Variants in RASGRF2 observed in about 807,000 individuals in gnomAD.
RASGRF2 encodes Ras protein specific guanine nucleotide releasing factor 2.
RASGRF2 carries 76 observed loss-of-function variants against 151.0 expected under a neutral mutation model. The observed-to-expected ratio is 0.50, with a 90% CI of 0.42 to 0.61. The LOEUF is 0.61. Among genes scored for constraint, RASGRF2 ranks in the 20% least tolerant of loss-of-function variants. The pLI is 0.00. For missense variants in RASGRF2, 1,148 were observed against 1,564.6 expected, an observed-to-expected ratio of 0.73 and a Z score of 4.49; for synonymous variants, 504 against 566.5, an observed-to-expected ratio of 0.89 and a Z score of 1.57.
intron 17 of RASGRF2, among the ~76,000 whole-genome samples, chr5:81,170,027 C>T (rs1046465696): frequency 4.9e-4 from 74 of 151,222 alleles, no homozygotes; most frequent in Non-Finnish European, 9.4e-4. Context: ...ACCTGCACCA[C>T]CTGCATCACT....
intron 13 of RASGRF2, among the ~76,000 whole-genome samples, chr5:81,110,586 G>A (rs1483916478): frequency 6.6e-6 from 1 of 152,156 alleles, no homozygotes; most frequent in Non-Finnish European, 1.5e-5. Context: ...CAAATAGAAT[G>A]TGAAAATCAT....
intron 17 of RASGRF2, among the ~76,000 whole-genome samples, chr5:81,147,115 A>G (rs1172156906): frequency 1.3e-5 from 2 of 152,206 alleles, no homozygotes; most frequent in South Asian, 2.1e-4. Context: ...AATAATCAGT[A>G]TAATTATCAG....
intron 1 of RASGRF2, among the ~76,000 whole-genome samples, chr5:81,025,870 C>G (rs931669446): frequency 6.6e-6 from 1 of 152,078 alleles, no homozygotes; most frequent in African/African-American, 2.4e-5. Context: ...TTTCCCCCCA[C>G]CAAGCTAGTT....
chr5:81,189,978 C>T (rs567729519), intron 18 of RASGRF2, among the ~76,000 whole-genome samples: 22 of 152,190 alleles, frequency 1.4e-4, no homozygotes, highest in Non-Finnish European at 2.8e-4. Flanking sequence ...TTCCAAAGTG[C>T]TGGGATTACA....
At chr5:81,153,080 T>C (rs2112623429) in intron 17 of RASGRF2, among the ~76,000 whole-genome samples, 1 of 152,234 alleles carries the variant, frequency 6.6e-6, no homozygotes, top group East Asian at 1.9e-4. Flanking sequence ...AAATGGTACA[T>C]TATGAAATAT....
chr5:81,012,705 G>A (rs189478019), intron 1 of RASGRF2, among the ~76,000 whole-genome samples: 77 of 152,182 alleles, frequency 5.1e-4, no homozygotes, highest in Non-Finnish European at 9.9e-4. Context: ...CACCTCCATA[G>A]CATCCACCAC....
At chr5:80,986,928 G>C (rs565858971) in intron 1 of RASGRF2, among the ~76,000 whole-genome samples, 1 of 152,060 alleles carries the variant, frequency 6.6e-6, no homozygotes, top group Non-Finnish European at 1.5e-5. Context: ...TGAAGCCCTC[G>C]GAGGTCTGGC....
At chr5:80,984,309 C>T (rs976283884) in intron 1 of RASGRF2, among the ~76,000 whole-genome samples, 1 of 152,222 alleles carries the variant, frequency 6.6e-6, no homozygotes, top group African/African-American at 2.4e-5. Context: ...CCGCCTCGGC[C>T]TCCCAGGTGC....
intron 18 of RASGRF2, among the ~76,000 whole-genome samples, chr5:81,187,124 C>T (rs1017548316): frequency 1.6e-4 from 25 of 152,122 alleles, no homozygotes; most frequent in African/African-American, 5.6e-4. Context: ...TGCTGTTACC[C>T]CCGTTTGACC....
chr5:81,213,318 A>G (rs11949363), intron 23 of RASGRF2, among the ~76,000 whole-genome samples: 17,387 of 151,670 alleles, frequency 0.11, 1,471 homozygotes, highest in African/African-American at 0.23. Flanking sequence ...GCACCCAGGG[A>G]GCCTGGCTGA....
chr5:81,111,024 T>C (rs1300462860), intron 13 of RASGRF2, among the ~76,000 whole-genome samples: 1 of 152,166 alleles, frequency 6.6e-6, no homozygotes, highest in African/African-American at 2.4e-5. Context: ...TGAGCATACT[T>C]TGGGCTGGGA....
chr5:81,070,265 G>A (rs1406973418), intron 3 of RASGRF2: 4 of 424,334 alleles, frequency 9.4e-6, no homozygotes, highest in South Asian at 5.3e-5. Flanking sequence ...CCAGATCCCC[G>A]GTCACACTTT....
At chr5:81,210,512 T>C (rs1183374853) in intron 22 of RASGRF2, among the ~76,000 whole-genome samples, 1 of 152,212 alleles carries the variant, frequency 6.6e-6, no homozygotes, top group Non-Finnish European at 1.5e-5. Flanking sequence ...AGTGGAGTTA[T>C]ACACCTGTGC....
At chr5:81,154,801 G>C (rs1048758565) in intron 17 of RASGRF2, among the ~76,000 whole-genome samples, 1 of 152,154 alleles carries the variant, frequency 6.6e-6, no homozygotes, top group Non-Finnish European at 1.5e-5. Context: ...TATACACACA[G>C]TAATGGGGTT....
chr5:80,993,198 C>G (rs1748710317), intron 1 of RASGRF2, among the ~76,000 whole-genome samples: 1 of 152,332 alleles, frequency 6.6e-6, no homozygotes, highest in East Asian at 1.9e-4. Flanking sequence ...ACCTCCCTGG[C>G]TGCCTCCAGG....
intron 17 of RASGRF2, among the ~76,000 whole-genome samples, chr5:81,157,410 A>C (rs1176618175): frequency 6.6e-6 from 1 of 152,060 alleles, no homozygotes; most frequent in Non-Finnish European, 1.5e-5. Context: ...AAAAAAAGCT[A>C]AAGTCCTATA....
intron 1 of RASGRF2, among the ~76,000 whole-genome samples, chr5:80,994,156 G>A (rs1391382728): frequency 6.6e-6 from 1 of 151,968 alleles, no homozygotes; most frequent in Non-Finnish European, 1.5e-5. Flanking sequence ...ACGAGGTCAG[G>A]AGATCGAGAC....
intron 1 of RASGRF2, among the ~76,000 whole-genome samples, chr5:80,983,303 C>A (rs1355580997): frequency 6.6e-6 from 1 of 152,224 alleles, no homozygotes; most frequent in Non-Finnish European, 1.5e-5. Context: ...ATGGTGGACT[C>A]TCCATCTGGG....
In RASGRF2 at chr5:80,980,660, A is replaced by T. The variant is rs79577635; in HGVS notation, c.288+19634A>T. On this transcript the variant is annotated intron_variant, in intron 1 of 26. Coordinates refer to ENST00000265080, the MANE Select transcript of RASGRF2 (RefSeq NM_006909.3). ...CCATCTCAAAAAATAAAGAGAAAGA[A>T]AAAGAAAAAAGAGGATACCACTGAT... 9.8e-3 allele frequency among the ~76,000 whole-genome samples: 1,497 copies of T among 152,238 alleles called. 21 individuals are homozygous for T. The highest frequency in any genetic ancestry group is 0.034 in the African/African-American group (1,407 of 41,540).
Sources: allele counts gnomAD v4.1 joint callset (sites outside exome capture counted in the v4.1 genomes callset), GRCh38; gene constraint gnomAD v4.1.1; transcripts MANE v1.5; gene names NCBI Gene and HGNC (gene_info 2026-07-23, HGNC 2026-07-21).